The following FOXI1 variants were observed in gnomAD, a reference collection of about 807,000 sequenced individuals.
FOXI1 encodes the protein forkhead box protein I1.
FOXI1 carries 11 observed loss-of-function variants against 16.4 expected under a neutral mutation model. That is an observed-to-expected ratio of 0.67 (90% confidence interval 0.42 to 1.11). The LOEUF (loss-of-function observed/expected upper bound fraction) is 1.11, where lower values mean the gene tolerates loss of function less well. FOXI1 is among the 50% of genes least tolerant of loss of function. FOXI1 has a pLI of 0.00. For synonymous variants in FOXI1, 218 were observed against 211.5 expected (o/e 1.03, Z -0.27); for missense variants, 480 against 506.1 (o/e 0.95, Z 0.49).
chr5:170,106,690 G>A (rs1758500260), intron 1 of FOXI1, among the ~76,000 whole-genome samples, 159 bp downstream of exon 1: 1 of 152,220 alleles, frequency 6.6e-6, no homozygotes, highest in Admixed American at 6.5e-5. Flanking sequence ...AGGAGAGCAT[G>A]GGCCTGGGGG....
intron 1 of FOXI1, chr5:170,106,810 T>A (rs1758504121): frequency 3.9e-6 from 1 of 254,594 alleles, no homozygotes; most frequent in South Asian, 1.5e-4. Context: ...AGTGACAGCA[T>A]CTGCTTTGCA....
chr5:170,106,979 C>T (rs1374143590), intron 1 of FOXI1: 5 of 985,374 alleles, frequency 5.1e-6, no homozygotes, highest in Non-Finnish European at 4.8e-6. Flanking sequence ...CCAAGGGCAT[C>T]CCAAGACTGC....
chr5:170,108,603 G>A lies in FOXI1; in HGVS notation c.1129G>A (p.Glu377Lys), dbSNP rs144860646. Residue 377 changes from glutamate to lysine, a missense_variant, in exon 2 of 2, where the codon GAG becomes AAG. Physicochemically the swap from Glu to Lys is moderately conservative, Grantham distance 56. Around this residue, in one of 3 missense-constraint regions of FOXI1, gnomAD observed 257 missense variants for 262.2 expected, o/e 0.98. Coordinates refer to ENST00000306268, the MANE Select transcript of FOXI1 (RefSeq NM_012188.5). The part of the protein sequence containing the change: ...SGVLYPREGT[E>K]V ...TGTCCTCTACCCCAGGGAGGGCACC[G>A]AGGTCTAGGTACAGAACAGCTCCTG... 17 of 1,612,214 alleles carry A rather than the reference G, an allele frequency of 1.1e-5. No individual in the cohort carries two copies. The highest frequency in any genetic ancestry group is 1.4e-5 in the Non-Finnish European group (16 of 1,179,066).
At chr5:170,106,708 G>A (rs1329464643) in intron 1 of FOXI1, among the ~76,000 whole-genome samples, 177 bp downstream of exon 1, 5 of 152,240 alleles carry the variant, frequency 3.3e-5, no homozygotes, top group Non-Finnish European at 7.3e-5. Context: ...GGGAAGATTT[G>A]GGTTTCAGCC....
chr5:170,106,380 C>T lies in FOXI1; in HGVS notation c.423C>T (p.Asp141=), dbSNP rs1336196935. 6.2e-7 allele frequency: 1 copy of T among 1,613,938 alleles called. No homozygotes were observed. The highest frequency in any genetic ancestry group is 8.5e-7 in the Non-Finnish European group (1 of 1,179,886). Residue 141 remains aspartate, a synonymous_variant, in exon 1 of 2, where the codon GAC becomes GAT. Coordinates refer to ENST00000306268, the MANE Select transcript of FOXI1 (RefSeq NM_012188.5). ...LIAMAIHGAP[D]KRLTLSQIYQ... The stretch of plus-strand genomic sequence containing the variant: ...CCATGGCCATCCACGGGGCACCCGA[C>T]AAGCGCCTCACTCTCAGCCAGATCT...
chr5:170,106,642 GAT>G, intron 1 of FOXI1, 111 bp downstream of exon 1: 2 of 1,471,640 alleles, frequency 1.4e-6, no homozygotes, highest in Non-Finnish European at 1.9e-6. Flanking sequence ...AAGACTGGGG[GAT>G]GCTACCAGGC....
rs6873124 is a variant in FOXI1 at position 170,108,730 on chromosome 5, C to T, written c.*119C>T. ...CTGCCCAGACATAAGCAGGAGCCTCCGAGGAATCCACCCTCTTTCTAGAAC... is the reference window on the plus strand; with the variant it reads ...CTGCCCAGACATAAGCAGGAGCCTCTGAGGAATCCACCCTCTTTCTAGAAC... On this transcript the variant is annotated 3_prime_UTR_variant, in exon 2 of 2. Coordinates refer to ENST00000306268, the MANE Select transcript of FOXI1 (RefSeq NM_012188.5). The T allele has an allele frequency of 2.3e-5, 18 of 791,432 alleles. No individual in the cohort carries two copies. The highest frequency in any genetic ancestry group is 2.4e-4 in the Middle Eastern group (1 of 4,136). The allele number at this position is 791,432 out of a possible 1,614,324, so 49.0% of individuals were successfully genotyped here.
rs1173312020 is a variant in FOXI1 at position 170,106,369 on chromosome 5, G to T, written c.412G>T (p.Gly138Trp). The T allele has an allele frequency of 1.9e-6, 3 of 1,613,036 alleles. No homozygotes were observed. Among genetic ancestry groups the T allele is most frequent in the African/African-American group, 1.3e-5 (1 of 74,880 alleles). ...GGCTCTCATCGCCATGGCCATCCAC[G>T]GGGCACCCGACAAGCGCCTCACTCT... ...YSALIAMAIH[G>W]APDKRLTLSQ... is the part of the protein sequence containing the mutation. Residue 138 changes from glycine (G) to tryptophan (W), a missense_variant, in exon 1 of 2, where the codon GGG (glycine) becomes TGG (tryptophan). By Grantham distance (184) the Gly-to-Trp change is radical. This residue lies in a region of FOXI1 where 219 missense variants were observed against 222.9 expected (regional missense o/e 0.98). Coordinates refer to ENST00000306268, the MANE Select transcript of FOXI1 (RefSeq NM_012188.5).
At position 170,106,349 on chromosome 5, in the gene FOXI1, T is replaced by A. The variant is rs746221300; in HGVS notation, c.392T>A (p.Leu131His). ...LVRPPYSYSA[L>H]IAMAIHGAPD... ...CGGCCACCCTATTCCTACTCGGCTCTCATCGCCATGGCCATCCACGGGGCA... is the reference window on the plus strand; with the variant it reads ...CGGCCACCCTATTCCTACTCGGCTCACATCGCCATGGCCATCCACGGGGCA... Residue 131 changes from leucine to histidine, a missense_variant, in exon 1 of 2, where the codon CTC becomes CAC. By Grantham distance (99) the Leu-to-His change is moderately conservative (BLOSUM62 -3). This residue lies in a region of FOXI1 where 219 missense variants were observed against 222.9 expected (regional missense o/e 0.98). Transcript: ENST00000306268. 6.2e-7 allele frequency: 1 copy of A among 1,611,010 alleles called. No individual in the cohort carries two copies. Among genetic ancestry groups the A allele is most frequent in the Non-Finnish European group, 8.5e-7 (1 of 1,178,430 alleles).
rs772882906 is a variant in FOXI1 at position 170,106,502 on chromosome 5, A to G, written c.545A>G (p.Lys182Arg). 82 of 1,614,140 alleles carry G rather than the reference A, an allele frequency of 5.1e-5. No homozygotes were observed. Among genetic ancestry groups the G allele is most frequent in the African/African-American group, 6.7e-5 (5 of 74,960 alleles). ...RHNLSLNDCF[K>R]KVPRDEDDPG... Reference sequence around the variant, plus strand: ...AACCTGTCGCTCAACGACTGCTTCAAGAAGGTGCCCCGCGACGAGGACGAC... The same window carrying G: ...AACCTGTCGCTCAACGACTGCTTCAGGAAGGTGCCCCGCGACGAGGACGAC... Residue 182 changes from lysine to arginine, a missense_variant, in exon 1 of 2, where the codon AAG becomes AGG. Lys to Arg is a conservative substitution (Grantham distance 26, BLOSUM62 2). This residue lies in a region of FOXI1 where 257 missense variants were observed against 262.2 expected (regional missense o/e 0.98). Transcript: ENST00000306268.
rs1758576038 is a variant in FOXI1 at position 170,108,641 on chromosome 5, A to C, written c.*30A>C. On this transcript the variant is annotated 3_prime_UTR_variant, in exon 2 of 2. Transcript: ENST00000306268. ...AGAACAGCTCCTGAGCCAGGTGGAC[A>C]TGCCAGAGAGAAAAGCAGTAGAGGT... The C allele has an allele frequency of 6.4e-7, 1 of 1,562,710 alleles. No individual in the cohort carries two copies. Among genetic ancestry groups the C allele is most frequent in the South Asian group, 1.1e-5 (1 of 90,074 alleles).
chr5:170,109,372 G>A lies in FOXI1; in HGVS notation c.*761G>A, dbSNP rs915099050. On this transcript the variant is annotated 3_prime_UTR_variant, in exon 2 of 2. Transcript: ENST00000306268. ...CTCCCCAGCCCTCCAGAAACCTTGAGCAGATCCAGGGATCAGTGAGAGGAG... is the reference window on the plus strand; with the variant it reads ...CTCCCCAGCCCTCCAGAAACCTTGAACAGATCCAGGGATCAGTGAGAGGAG... 6.6e-6 allele frequency: 1 copy of A among 152,312 alleles called. No individual in the cohort carries two copies. Among genetic ancestry groups the A allele is most frequent in the South Asian group, 2.1e-4 (1 of 4,836 alleles). 9.4% of individuals were successfully genotyped at this position (152,312 alleles called of 1,614,324 possible). A position where few individuals can be genotyped will look rare whatever the true frequency, so the allele number is the denominator to read the frequency against.
rs1168379573 is a variant in FOXI1, at chr5:170,108,789, C to A, written c.*178C>A. On this transcript the variant is annotated 3_prime_UTR_variant, in exon 2 of 2. Coordinates refer to ENST00000306268, the MANE Select transcript of FOXI1 (RefSeq NM_012188.5). ...AGGCTTCTGTTTATCACACATAGGC[C>A]CACACACAGACTCACCAACTTTGCA... is the stretch of plus-strand genomic sequence containing the variant. The A allele has an allele frequency of 2.2e-5, 14 of 628,526 alleles. No homozygotes were observed. The highest frequency in any genetic ancestry group is 3.9e-5 in the Non-Finnish European group (14 of 354,736). The allele number at this position is 628,526 out of a possible 1,614,324, so 38.9% of individuals were successfully genotyped here.
chr5:170,106,270 A>T lies in FOXI1; in HGVS notation c.313A>T (p.Ser105Cys). The T allele has an allele frequency of 6.3e-7, 1 of 1,578,418 alleles. No homozygotes were observed. Among genetic ancestry groups the T allele is most frequent in the Non-Finnish European group, 8.6e-7 (1 of 1,162,526 alleles). Residue 105 changes from serine to cysteine, a missense_variant, in exon 1 of 2, where the codon AGC becomes TGC. This residue lies in a region of FOXI1 where 219 missense variants were observed against 222.9 expected (regional missense o/e 0.98). Coordinates refer to ENST00000306268, the MANE Select transcript of FOXI1 (RefSeq NM_012188.5). ...LLPSVSGLGG[S>C]DLGWLPIPSQ... Reference sequence around the variant, plus strand: ...GCCCAGCGTGTCGGGGCTTGGGGGGAGCGACCTGGGCTGGCTGCCCATCCC... The same window carrying T: ...GCCCAGCGTGTCGGGGCTTGGGGGGTGCGACCTGGGCTGGCTGCCCATCCC...
Position 170,106,545 on chromosome 5 carries a change from G to T in FOXI1, c.574+14G>T. 6.2e-7 allele frequency: 1 copy of T among 1,614,144 alleles called. No individual in the cohort carries two copies. The highest frequency in any genetic ancestry group is 1.7e-5 in the Admixed American group (1 of 60,018). ...AGGACGACCCGGGTAAGGAGGCTTTGAGTGTGGGGGGTGTCCCCAAGGAAG... is the reference window on the plus strand; with the variant it reads ...AGGACGACCCGGGTAAGGAGGCTTTTAGTGTGGGGGGTGTCCCCAAGGAAG... On this transcript the variant is annotated intron_variant, in intron 1 of 1. Coordinates refer to ENST00000306268, the MANE Select transcript of FOXI1 (RefSeq NM_012188.5).
Position 170,106,360 on chromosome 5 carries a change from G to T in FOXI1, c.403G>T (p.Ala135Ser), listed in dbSNP as rs1326028840. ...TTCCTACTCGGCTCTCATCGCCATGGCCATCCACGGGGCACCCGACAAGCG... is the reference window on the plus strand; with the variant it reads ...TTCCTACTCGGCTCTCATCGCCATGTCCATCCACGGGGCACCCGACAAGCG... ...PYSYSALIAM[A>S]IHGAPDKRLT... Residue 135 changes from alanine (A) to serine (S), a missense_variant, in exon 1 of 2, where the codon GCC (alanine) becomes TCC (serine). Coordinates refer to ENST00000306268, the MANE Select transcript of FOXI1 (RefSeq NM_012188.5). The T allele has an allele frequency of 6.2e-7, 1 of 1,612,302 alleles. No homozygotes were observed. The highest frequency in any genetic ancestry group is 8.5e-7 in the Non-Finnish European group (1 of 1,179,132).
chr5:170,108,264 C>T lies in FOXI1; in HGVS notation c.790C>T (p.Pro264Ser). ...GASPGGTTSS[P>S]EKRPSPPPSG... ...CTCACCAGGGGGCACCACCAGCTCC[C>T]CAGAGAAGCGGCCCTCCCCTCCCCC... Residue 264 changes from proline (P) to serine (S), a missense_variant, in exon 2 of 2, where the codon CCA becomes TCA. By Grantham distance (74) the Pro-to-Ser change is moderately conservative. This residue lies in a region of FOXI1 where 257 missense variants were observed against 262.2 expected (regional missense o/e 0.98). Transcript: ENST00000306268. The T allele has an allele frequency of 6.2e-7, 1 of 1,614,150 alleles. No individual in the cohort carries two copies. Among genetic ancestry groups the T allele is most frequent in the South Asian group, 1.1e-5 (1 of 91,088 alleles).
At position 170,109,645 on chromosome 5, in the gene FOXI1, G is replaced by A. The variant is rs901666453; in HGVS notation, c.*1034G>A. 4 of 152,210 alleles carry A rather than the reference G, an allele frequency of 2.6e-5. No individual in the cohort carries two copies. The highest frequency in any genetic ancestry group is 9.6e-5 in the African/African-American group (4 of 41,502). 9.4% of individuals were successfully genotyped at this position (152,210 alleles called of 1,614,324 possible). On this transcript the variant is annotated 3_prime_UTR_variant, in exon 2 of 2. Coordinates refer to ENST00000306268, the MANE Select transcript of FOXI1 (RefSeq NM_012188.5). ...CAGGGGGTCTCTGTGTGATCTCTTG[G>A]GATTTCTCCTTGTTTTTGTGAGTAC...
Position 170,108,668 on chromosome 5 carries a change from C to T in FOXI1, c.*57C>T. The T allele has an allele frequency of 1.5e-6, 2 of 1,369,244 alleles. No homozygotes were observed. Among genetic ancestry groups the T allele is most frequent in the East Asian group, 2.3e-5 (1 of 43,796 alleles). 84.8% of individuals were successfully genotyped at this position (1,369,244 alleles called of 1,614,324 possible). On this transcript the variant is annotated 3_prime_UTR_variant, in exon 2 of 2. Transcript: ENST00000306268. ...GCCAGAGAGAAAAGCAGTAGAGGTC[C>T]TCCATGCCAGCCCCACGGTGGTCCA... is the stretch of plus-strand genomic sequence containing the variant.
Sources: allele counts gnomAD v4.1 joint callset (sites outside exome capture counted in the v4.1 genomes callset), GRCh38; gene constraint gnomAD v4.1.1; regional missense constraint gnomAD v4.1.1; transcripts MANE v1.5; gene names NCBI Gene and HGNC (gene_info 2026-07-23, HGNC 2026-07-21).